Variants in PCLO observed in about 807,000 individuals in gnomAD.
PCLO encodes protein piccolo.
A neutral mutation model predicts 427.5 loss-of-function variants in PCLO; 82 were observed. The ratio of observed to expected loss-of-function variants is 0.19; its 90% confidence interval spans 0.16 to 0.23. The LOEUF is 0.23. PCLO is among the 10% of genes least tolerant of loss of function. The pLI, the probability that PCLO is intolerant of heterozygous loss-of-function variation, is 1.00. For synonymous variants in PCLO, 2,357 were observed against 2,155.4 expected (o/e 1.09, Z -2.59); for missense variants, 6,239 against 6,115.9 (o/e 1.02, Z -0.67).
intron 2 of PCLO, among the ~76,000 whole-genome samples, chr7:83,148,278 G>T (rs1792043831): frequency 6.6e-6 from 1 of 152,130 alleles, no homozygotes; most frequent in Admixed American, 6.5e-5. Flanking sequence ...CAATAGAAGG[G>T]AGTGAGGGAA....
At chr7:82,788,170 T>C (rs1246751564) in intron 22 of PCLO, among the ~76,000 whole-genome samples, 17 of 148,024 alleles carry the variant, frequency 1.1e-4, no homozygotes, top group South Asian at 2.1e-4. Flanking sequence ...AAATTTATAA[T>C]TTATATATTT....
At chr7:82,845,600 A>C in intron 12 of PCLO, 115 bp from the exon 13 acceptor site, 1 of 686,522 alleles carries the variant, frequency 1.5e-6, no homozygotes. Flanking sequence ...AATAAGCTAA[A>C]CTTTAAAAAT....
At chr7:82,760,943 C>CTTTTTTTTTTTT (rs767222339) in intron 23 of PCLO, among the ~76,000 whole-genome samples, 159 bp from the exon 24 acceptor site, 4 of 60,396 alleles carry the variant, frequency 6.6e-5, no homozygotes, top group African/African-American at 2.6e-4. Flanking sequence ...AAAGATATGT[C>CTTTTTTTTTTTT]TTTTTTTTTT....
Position 82,956,231 on chromosome 7 carries a change from A to G in PCLO, c.4722T>C (p.Asp1574=), listed in dbSNP as rs1258898443. ...TGAGCTGGTTTCTGATGAACTCATC[A>G]TCTTCAGAACCTGAAGCATCTTCAT... is the stretch of plus-strand genomic sequence containing the variant. ...SADEDASGSE[D]DEFIRNQLKE... The change falls in exon 5 of 25, where the codon GAT becomes GAC. Residue 1574 remains aspartate (D), a synonymous_variant. Coordinates refer to ENST00000333891, the MANE Select transcript of PCLO (RefSeq NM_033026.6). The G allele has an allele frequency of 6.2e-7, 1 of 1,611,162 alleles. No individual in the cohort carries two copies. Among genetic ancestry groups the G allele is most frequent in the Non-Finnish European group, 8.5e-7 (1 of 1,179,798 alleles).
At chr7:82,882,457 T>C (rs1793531366) in intron 9 of PCLO, among the ~76,000 whole-genome samples, 1 of 152,128 alleles carries the variant, frequency 6.6e-6, no homozygotes, top group Non-Finnish European at 1.5e-5. Flanking sequence ...GCCATGAAAA[T>C]GGTCTTGTTC....
intron 3 of PCLO, among the ~76,000 whole-genome samples, chr7:83,130,729 A>C (rs1791549355): frequency 6.6e-6 from 1 of 152,180 alleles, no homozygotes; most frequent in Admixed American, 6.5e-5. Context: ...TTAATGGAAA[A>C]TGTGGAAGCC....
intron 3 of PCLO, among the ~76,000 whole-genome samples, chr7:83,048,128 G>T (rs1330947788): frequency 6.6e-6 from 1 of 151,856 alleles, no homozygotes; most frequent in Non-Finnish European, 1.5e-5. Flanking sequence ...TGCATATTGT[G>T]TTATTAAATG....
intron 6 of PCLO, among the ~76,000 whole-genome samples, chr7:82,947,627 AC>A (rs1371717267): frequency 6.6e-6 from 1 of 152,138 alleles, no homozygotes; most frequent in African/African-American, 2.4e-5. Flanking sequence ...TCTGTATACA[AC>A]TATTCCATAT....
intron 8 of PCLO, among the ~76,000 whole-genome samples, chr7:82,906,647 G>A (rs1304561276): frequency 2.0e-5 from 3 of 151,974 alleles, no homozygotes; most frequent in Non-Finnish European, 2.9e-5. Context: ...TTTGGGCAAG[G>A]GAGTGGTTAT....
intron 22 of PCLO, 65 bp downstream of exon 22, chr7:82,801,453 A>G: frequency 1.2e-6 from 1 of 835,022 alleles, no homozygotes; most frequent in South Asian, 1.4e-5. Flanking sequence ...AAGAAAAACA[A>G]CTGAAACACT....
intron 3 of PCLO, among the ~76,000 whole-genome samples, chr7:83,000,298 AG>A (rs368952056): frequency 3.9e-5 from 1 of 25,406 alleles, no homozygotes; most frequent in African/African-American, 4.1e-4. Context: ...AGAGAGAGAG[AG>A]AGAGAGAAAA....
At chr7:82,896,482 TTTGGATGAGGGATG>T (rs1275326000) in intron 9 of PCLO, among the ~76,000 whole-genome samples, 1 of 151,636 alleles carries the variant, frequency 6.6e-6, no homozygotes. Flanking sequence ...GTAGTTAGTT[TTTGGATGAGGGATG>T]TTGGAAGCAG....
chr7:83,154,731 T>C lies in PCLO; in HGVS notation c.1893+17A>G. 4 of 1,585,580 alleles carry C rather than the reference T, an allele frequency of 2.5e-6. No individual in the cohort carries two copies. The highest frequency in any genetic ancestry group is 2.2e-5 in the South Asian group (2 of 90,332). On this transcript the variant is annotated intron_variant, in intron 2 of 24. Transcript: ENST00000333891. ...ATATGGCTGAAGAGTATGGACTCAG[T>C]GAATAAATGCACTTACCTCCGTTAA...
At position 82,952,005 on chromosome 7, in the gene PCLO, C is replaced by A. The variant is rs1445881161; in HGVS notation, c.8948G>T (p.Gly2983Val). 4.3e-6 allele frequency: 7 copies of A among 1,613,806 alleles called. No homozygotes were observed. In the African/African-American group the frequency reaches 9.3e-5, roughly 22 times the overall value. The change falls in exon 5 of 25, where the codon GGT becomes GTT. Residue 2983 changes from glycine (G) to valine (V), a missense_variant. Physicochemically the swap from Gly to Val is moderately radical, Grantham distance 109 (BLOSUM62 -3). Transcript: ENST00000333891. Reference protein sequence around the residue: ...HYQYDRSGPYGYRGIGGMKPS... With the variant: ...HYQYDRSGPYVYRGIGGMKPS... Reference sequence around the variant, plus strand: ...CTTCATTCCCCCAATCCCTCTATAACCATATGGCCCTGATCGATCATACTG... The same window carrying A: ...CTTCATTCCCCCAATCCCTCTATAAACATATGGCCCTGATCGATCATACTG...
chr7:83,037,989 T>TTATATATATATATATATATATATATATA (rs1161030427), intron 3 of PCLO, among the ~76,000 whole-genome samples: 4 of 13,596 alleles, frequency 2.9e-4, no homozygotes, highest in Non-Finnish European at 3.7e-4. Flanking sequence ...AAGGAGGAGC[T>TTATATATATATATATATATATATATATA]TATATATATA....
At chr7:83,146,228 T>C (rs369920094) in intron 2 of PCLO, among the ~76,000 whole-genome samples, 5 of 152,310 alleles carry the variant, frequency 3.3e-5, no homozygotes, top group East Asian at 1.9e-4. Flanking sequence ...TAACAAGATA[T>C]ACTTTTCGGT....
chr7:82,898,212 A>C lies in PCLO; in HGVS notation c.13528+4439T>G, dbSNP rs114900012. Among the ~76,000 whole-genome samples the C allele has an allele frequency of 5.8e-3, 881 of 151,534 alleles. 12 individuals are homozygous for C. Among genetic ancestry groups the C allele is most frequent in the African/African-American group, 0.02 (832 of 41,500 alleles). On this transcript the variant is annotated intron_variant, in intron 9 of 24. Transcript: ENST00000333891. The stretch of plus-strand genomic sequence containing the variant: ...CTCTGAAAAACTCTATTGTATATTC[A>C]TAAAAGGATCAGCATGAAAAAGGCA...
intron 22 of PCLO, among the ~76,000 whole-genome samples, chr7:82,772,709 A>G (rs1790672098): frequency 6.6e-6 from 1 of 151,584 alleles, no homozygotes; most frequent in Non-Finnish European, 1.5e-5. Flanking sequence ...TAAGCAGAAG[A>G]AAAGTTTTTT....
intron 3 of PCLO, among the ~76,000 whole-genome samples, chr7:83,050,284 A>C (rs1789217317): frequency 6.7e-6 from 1 of 148,734 alleles, no homozygotes; most frequent in Non-Finnish European, 1.5e-5. Flanking sequence ...AAAAAAAAAA[A>C]AAAAACAAAA....
Sources: gnomAD v4.1 joint callset for allele counts (sites outside exome capture counted in the v4.1 genomes callset) on GRCh38, gnomAD v4.1.1 for gene constraint, MANE v1.5 for transcripts, NCBI Gene and HGNC (gene_info 2026-07-23, HGNC 2026-07-21) for gene names.